The following CALB1 variants were observed in gnomAD, a reference collection of about 807,000 sequenced individuals.
The protein encoded by CALB1 is calbindin.
A neutral mutation model predicts 46.7 loss-of-function variants in CALB1; 16 were observed. That is an observed-to-expected ratio of 0.34 (90% CI 0.23 to 0.52). CALB1 has a LOEUF of 0.52. Ranked by LOEUF, CALB1 falls within the 20% of genes least tolerant of loss-of-function variation. The pLI is 0.95. For missense variants in CALB1, 224 were observed against 300.3 expected (o/e 0.75, Z 1.88); for synonymous variants, 90 against 112.8 (o/e 0.80, Z 1.28).
intron 3 of CALB1, among the ~76,000 whole-genome samples, chr8:90,073,043 G>A (rs1007616509): frequency 3.3e-5 from 5 of 152,072 alleles, no homozygotes; most frequent in Admixed American, 6.6e-5. Context: ...ACTAGTCTAC[G>A]TGCTCCTTGA....
chr8:90,060,000 T>C lies in CALB1; in HGVS notation c.*173A>G, dbSNP rs1222303367. ...TTCAATCATATGGTTACAAAAACTG[T>C]ATATTACAAACAGTATAGAAACAAG... On this transcript the variant is annotated 3_prime_UTR_variant, in exon 11 of 11. Coordinates refer to ENST00000265431, the MANE Select transcript of CALB1 (RefSeq NM_004929.4). 3.7e-6 allele frequency: 2 copies of C among 534,882 alleles called. No homozygotes were observed. The highest frequency in any genetic ancestry group is 6.6e-6 in the Non-Finnish European group (2 of 300,904). 33.1% of individuals were successfully genotyped at this position (534,882 alleles called of 1,614,324 possible).
intron 2 of CALB1, chr8:90,081,495 G>C (rs1814731526): frequency 1.0e-6 from 1 of 982,190 alleles, no homozygotes; most frequent in Non-Finnish European, 1.2e-6. Flanking sequence ...TAGAGTAAGA[G>C]ATCCATAATC....
intron 3 of CALB1, among the ~76,000 whole-genome samples, chr8:90,070,861 T>TGTGTGA (rs1554578988): frequency 0.027 from 4,093 of 149,882 alleles, 85 homozygotes; most frequent in African/African-American, 0.058. Context: ...TGTGTGTGTG[T>TGTGTGA]GTGTGTGTGT....
At chr8:90,069,768 G>C (rs1440637947) in intron 3 of CALB1, among the ~76,000 whole-genome samples, 1 of 152,144 alleles carries the variant, frequency 6.6e-6, no homozygotes, top group African/African-American at 2.4e-5. Flanking sequence ...ATAAACCAAA[G>C]ACAATCGTAA....
At chr8:90,066,497 G>A (rs1814399398) in intron 5 of CALB1, among the ~76,000 whole-genome samples, 1 of 152,010 alleles carries the variant, frequency 6.6e-6, no homozygotes. Flanking sequence ...TATTTCTCCA[G>A]AGGGCCAGTT....
chr8:90,066,743 A>C lies in CALB1; in HGVS notation c.373-768T>G, dbSNP rs993983898. 3.9e-5 allele frequency among the ~76,000 whole-genome samples: 6 copies of C among 152,116 alleles called. No individual in the cohort carries two copies. In the East Asian group the frequency reaches 1.2e-3, roughly 29 times the overall value. On this transcript the variant is annotated intron_variant, in intron 5 of 10. Transcript: ENST00000265431. ...ACAGAAACATAAATAAAAGCTTTACAAAGATTTGCCATATAAGTGACAGTG... is the reference window on the plus strand; with the variant it reads ...ACAGAAACATAAATAAAAGCTTTACCAAGATTTGCCATATAAGTGACAGTG...
intron 2 of CALB1, among the ~76,000 whole-genome samples, chr8:90,080,019 C>G (rs913771698): frequency 5.9e-5 from 9 of 151,820 alleles, no homozygotes; most frequent in Admixed American, 4.6e-4. Flanking sequence ...AAACATGTAT[C>G]TACTATATGA....
Position 90,060,159 on chromosome 8 carries a change from T to C in CALB1, c.*14A>G. On this transcript the variant is annotated 3_prime_UTR_variant, in exon 11 of 11. Coordinates refer to ENST00000265431, the MANE Select transcript of CALB1 (RefSeq NM_004929.4). Reference sequence around the variant, plus strand: ...ATACAGTGTATCACTAGCAAGTGGTTGCGGCCACCAACTCTAGTTATCCCC... The same window carrying C: ...ATACAGTGTATCACTAGCAAGTGGTCGCGGCCACCAACTCTAGTTATCCCC... 2.7e-6 allele frequency: 4 copies of C among 1,494,362 alleles called. No individual in the cohort carries two copies. The highest frequency in any genetic ancestry group is 3.7e-6 in the Non-Finnish European group (4 of 1,070,856). The allele number at this position is 1,494,362 out of a possible 1,614,324, so 92.6% of individuals were successfully genotyped here.
At chr8:90,067,692 T>C in intron 5 of CALB1, among the ~76,000 whole-genome samples, 1 of 152,202 alleles carries the variant, frequency 6.6e-6, no homozygotes, top group East Asian at 1.9e-4. Context: ...ACTGTTGATA[T>C]TCATATTTCC....
chr8:90,074,373 C>A (rs946223292), intron 3 of CALB1, among the ~76,000 whole-genome samples: 4 of 152,080 alleles, frequency 2.6e-5, no homozygotes, highest in African/African-American at 9.7e-5. Context: ...GAAACAGAGG[C>A]TCAAAGAGGG....
intron 5 of CALB1, among the ~76,000 whole-genome samples, chr8:90,066,756 A>G (rs1337171928): frequency 3.3e-5 from 5 of 152,140 alleles, no homozygotes; most frequent in Admixed American, 2.6e-4. Context: ...GATTTGCCAT[A>G]TAAGTGACAG....
intron 9 of CALB1, chr8:90,062,546 C>T (rs1486546201): frequency 6.6e-6 from 1 of 151,782 alleles, no homozygotes; most frequent in African/African-American, 2.4e-5. Flanking sequence ...AGACACTTAT[C>T]CAAAGAAGGT....
At position 90,068,978 on chromosome 8, in the gene CALB1, A is replaced by C. The variant is rs370455441; in HGVS notation, c.372+20T>G. 7.9e-5 allele frequency: 125 copies of C among 1,577,384 alleles called. No homozygotes were observed. Among genetic ancestry groups the C allele is most frequent in the Non-Finnish European group, 1.0e-4 (121 of 1,156,268 alleles). Reference sequence around the variant, plus strand: ...TTGCATCTGAAAGGAAAAACTTAGTACAAGTTTTTATTTGCTTACCTTAAG... The same window carrying C: ...TTGCATCTGAAAGGAAAAACTTAGTCCAAGTTTTTATTTGCTTACCTTAAG... On this transcript the variant is annotated intron_variant, in intron 5 of 10. Transcript: ENST00000265431.
chr8:90,069,218 G>T lies in CALB1; in HGVS notation c.251C>A (p.Thr84Lys). 1 of 1,613,870 alleles carries T rather than the reference G, an allele frequency of 6.2e-7. No homozygotes were observed. Among genetic ancestry groups the T allele is most frequent in the Non-Finnish European group, 8.5e-7 (1 of 1,179,782 alleles). Residue 84 changes from threonine (T) to lysine (K), a missense_variant, in exon 4 of 11, where the codon ACA (threonine) becomes AAA (lysine). Coordinates refer to ENST00000265431, the MANE Select transcript of CALB1 (RefSeq NM_004929.4). ...GAAGAGCAGCAGGAAATTCTCTTCT[G>T]TGGGTAATACGTGAGCCAACTGGAA... ...GIVELAHVLP[T>K]EENFLLLFRC...
At chr8:90,067,970 C>T (rs556040651) in intron 5 of CALB1, among the ~76,000 whole-genome samples, 5 of 152,102 alleles carry the variant, frequency 3.3e-5, no homozygotes, top group Non-Finnish European at 7.4e-5. Context: ...TTGTACTCTG[C>T]CTGACAGATA....
chr8:90,073,311 C>T (rs1814566867), intron 3 of CALB1, among the ~76,000 whole-genome samples: 1 of 152,058 alleles, frequency 6.6e-6, no homozygotes, highest in African/African-American at 2.4e-5. Flanking sequence ...TGCAGCCTCA[C>T]CTGTGAGGCC....
At chr8:90,081,319 A>G (rs561018345) in intron 2 of CALB1, 52 of 185,480 alleles carry the variant, frequency 2.8e-4, no homozygotes, top group African/African-American at 1.2e-3. Flanking sequence ...TTTACTTTTT[A>G]CTTCTCTACC....
chr8:90,066,006 T>A, intron 5 of CALB1, 31 bp from the exon 6 acceptor site: 4 of 1,319,544 alleles, frequency 3.0e-6, no homozygotes, highest in Non-Finnish European at 4.4e-6. Context: ...TAGATTAATT[T>A]CATTAATAAT....
chr8:90,075,127 G>T (rs1178881649), intron 3 of CALB1, among the ~76,000 whole-genome samples: 2 of 152,088 alleles, frequency 1.3e-5, no homozygotes, highest in Admixed American at 6.5e-5. Flanking sequence ...CTATTTAAAG[G>T]CAAGAAATTA....
Sources: gnomAD v4.1 joint callset for allele counts (sites outside exome capture counted in the v4.1 genomes callset) on GRCh38, gnomAD v4.1.1 for gene constraint, MANE v1.5 for transcripts, NCBI Gene and HGNC (gene_info 2026-07-23, HGNC 2026-07-21) for gene names.